Variants in CNOT1 observed in about 807,000 individuals in gnomAD.
CNOT1 encodes CCR4-associated factor 1.
Under a neutral mutation model 273.8 loss-of-function variants are expected in CNOT1, and 15 were observed. The observed-to-expected ratio is 0.05, with a 90% CI of 0.04 to 0.08. The LOEUF (loss-of-function observed/expected upper bound fraction) is 0.08. Ranked by LOEUF, CNOT1 falls within the 10% of genes least tolerant of loss-of-function variation. The pLI, the probability that CNOT1 is intolerant of heterozygous loss-of-function variation, is 1.00. For missense variants in CNOT1, 1,644 were observed against 2,912.2 expected, an observed-to-expected ratio of 0.56 and a Z score of 10.02; for synonymous variants, 1,022 against 1,005.5, an observed-to-expected ratio of 1.02 and a Z score of -0.31.
At chr16:58,521,476 C>T (rs1391495069) in intron 47 of CNOT1, among the ~76,000 whole-genome samples, 159 bp from the exon 48 acceptor site, 21 of 152,142 alleles carry the variant, frequency 1.4e-4, no homozygotes, top group Admixed American at 1.4e-3. Flanking sequence ...CCAAATAGCA[C>T]AGGTTGGAAT....
chr16:58,532,612 T>C (rs2039805820), intron 40 of CNOT1: 1 of 742,038 alleles, frequency 1.3e-6, no homozygotes, highest in Non-Finnish European at 2.0e-6. Context: ...TCAACATCCT[T>C]GGACCACACC....
intron 1 of CNOT1, among the ~76,000 whole-genome samples, chr16:58,604,821 A>C (rs528906443): frequency 1.2e-5 from 1 of 80,190 alleles, no homozygotes; most frequent in Admixed American, 1.1e-4. Context: ...AAAAACAAAA[A>C]AAAAATTAAA....
intron 44 of CNOT1, among the ~76,000 whole-genome samples, chr16:58,526,588 C>A (rs932177267): frequency 6.6e-6 from 1 of 150,438 alleles, no homozygotes; most frequent in African/African-American, 2.5e-5. Context: ...CTTTGGGAGG[C>A]CGAGGTAGGC....
chr16:58,589,251 G>A (rs749194152), intron 2 of CNOT1, among the ~76,000 whole-genome samples: 7 of 152,226 alleles, frequency 4.6e-5, no homozygotes, highest in African/African-American at 9.6e-5. Context: ...AGTGGCTCAC[G>A]CCTGTAATCC....
intron 16 of CNOT1, among the ~76,000 whole-genome samples, chr16:58,570,919 G>C (rs1486473789): frequency 6.6e-6 from 1 of 151,864 alleles, no homozygotes; most frequent in East Asian, 1.9e-4. Context: ...AAGAACAGAG[G>C]AACAAAAGTG....
At chr16:58,621,321 T>C (rs1302211156) in intron 1 of CNOT1, among the ~76,000 whole-genome samples, 2 of 152,076 alleles carry the variant, frequency 1.3e-5, no homozygotes, top group Non-Finnish European at 2.9e-5. Context: ...TTGCCTAGGC[T>C]GGAGTGCAAT....
Position 58,543,763 on chromosome 16 carries a change from C to A in CNOT1, c.4278G>T (p.Lys1426Asn). The stretch of plus-strand genomic sequence containing the variant: ...ATTCCTCCGAATCCAGGGCAAAATC[C>A]TTCCTGACTATTTGCTCACAAGTAG... Reference protein sequence around the residue: ...AMTTCEQIVRKDFALDSEESR... With the variant: ...AMTTCEQIVRNDFALDSEESR... The change falls in exon 31 of 49, where the codon AAG becomes AAT. Residue 1426 changes from lysine (K) to asparagine (N), a missense_variant. Lys to Asn is a moderately conservative substitution (Grantham distance 94). Around this residue, in one of 13 missense-constraint regions of CNOT1, gnomAD observed 133 missense variants for 230.4 expected, o/e 0.58. Coordinates refer to ENST00000317147, the MANE Select transcript of CNOT1 (RefSeq NM_016284.5). 6.2e-7 allele frequency: 1 copy of A among 1,614,142 alleles called. No homozygotes were observed. The highest frequency in any genetic ancestry group is 8.5e-7 in the Non-Finnish European group (1 of 1,180,024).
At chr16:58,536,962 A>G (rs749710360) in intron 39 of CNOT1, 27 bp downstream of exon 39, 1 of 1,611,826 alleles carries the variant, frequency 6.2e-7, no homozygotes, top group East Asian at 2.2e-5. Flanking sequence ...GTTGAATAAA[A>G]AGCACCTTTC....
intron 44 of CNOT1, among the ~76,000 whole-genome samples, chr16:58,526,947 C>T (rs1651419521): frequency 6.6e-6 from 1 of 152,100 alleles, no homozygotes; most frequent in South Asian, 2.1e-4. Flanking sequence ...AGGAGGACGG[C>T]TTGAGCACAG....
chr16:58,617,690 G>A (rs192455354), intron 1 of CNOT1, among the ~76,000 whole-genome samples: 19 of 152,258 alleles, frequency 1.2e-4, no homozygotes, highest in African/African-American at 4.1e-4. Flanking sequence ...TCTATAGGAT[G>A]GGCCCTCAAT....
chr16:58,568,935 G>A (rs2041164181), intron 16 of CNOT1, among the ~76,000 whole-genome samples: 1 of 152,102 alleles, frequency 6.6e-6, no homozygotes, highest in South Asian at 2.1e-4. Flanking sequence ...AGGAAGATCT[G>A]ATTCCAGGAA....
At chr16:58,527,808 A>C (rs2039646261) in intron 44 of CNOT1, 1 of 193,332 alleles carries the variant, frequency 5.2e-6, no homozygotes, top group African/African-American at 2.4e-5. Flanking sequence ...GTGCACAGAC[A>C]CAAAACTGTG....
rs1039856356 is a variant in CNOT1 at position 58,568,127 on chromosome 16, C to A, written c.1979+6482G>T. ...GTGGCTCACGCCTGTAATCTCAGTA[C>A]TTTGGGAGGCGGGCGAATCACCTGA... On this transcript the variant is annotated intron_variant, in intron 16 of 48. Transcript: ENST00000317147. Among the ~76,000 whole-genome samples, 105 of 152,302 alleles carry A rather than the reference C, an allele frequency of 6.9e-4. 1 individual carries two copies. Among genetic ancestry groups the A allele is most frequent in the Non-Finnish European group, 2.2e-4 (15 of 68,032 alleles).
intron 1 of CNOT1, among the ~76,000 whole-genome samples, chr16:58,601,657 T>C (rs1404625158): frequency 6.8e-6 from 1 of 147,974 alleles, no homozygotes; most frequent in Non-Finnish European, 1.5e-5. Context: ...GTTAACAGCT[T>C]CTTAATGTAT....
intron 2 of CNOT1, chr16:58,597,698 C>T: frequency 2.0e-6 from 1 of 506,802 alleles, no homozygotes. Flanking sequence ...ATGACTCAGC[C>T]AGGCAAGCCA....
chr16:58,560,475 C>G, intron 16 of CNOT1, 113 bp from the exon 17 acceptor site: 1 of 1,461,902 alleles, frequency 6.8e-7, no homozygotes, highest in Non-Finnish European at 9.0e-7. Context: ...CTCTGTCACC[C>G]AGACTGGAGT....
At chr16:58,522,237 CAAAAAAAAAAAA>C (rs56149974) in intron 47 of CNOT1, among the ~76,000 whole-genome samples, 21 of 98,594 alleles carry the variant, frequency 2.1e-4, no homozygotes, top group African/African-American at 3.8e-4. Context: ...GAGACTGTCT[CAAAAAAAAAAAA>C]AAAAAAAAAA....
At chr16:58,562,658 C>T (rs1044263666) in intron 16 of CNOT1, among the ~76,000 whole-genome samples, 1 of 151,796 alleles carries the variant, frequency 6.6e-6, no homozygotes, top group Non-Finnish European at 1.5e-5. Context: ...CCCGTCTCTA[C>T]TAAAAATACA....
chr16:58,560,006 T>C (rs1383936878), intron 17 of CNOT1: 7 of 1,388,764 alleles, frequency 5.0e-6, no homozygotes, highest in East Asian at 2.4e-5. Context: ...TGTCTGTATA[T>C]TTCCTCTTAG....
Sources: allele counts gnomAD v4.1 joint callset (sites outside exome capture counted in the v4.1 genomes callset), GRCh38; gene constraint gnomAD v4.1.1; regional missense constraint gnomAD v4.1.1; transcripts MANE v1.5; gene names NCBI Gene and HGNC (gene_info 2026-07-23, HGNC 2026-07-21).